SYT1: variants seen among roughly 807,000 people sequenced by gnomAD.
The protein encoded by SYT1 is synaptotagmin-1.
In SYT1, 8 loss-of-function variants were observed where a neutral mutation model predicts 44.8. The observed-to-expected ratio is 0.18, with a 90% confidence interval of 0.10 to 0.32. The LOEUF (loss-of-function observed/expected upper bound fraction) is 0.32. SYT1 is among the 10% of genes least tolerant of loss of function. SYT1 has a pLI of 1.00. For synonymous variants in SYT1, 154 were observed against 188.8 expected, an observed-to-expected ratio of 0.82 and a Z score of 1.51; for missense variants, 286 against 509.3, an observed-to-expected ratio of 0.56 and a Z score of 4.22.
intron 3 of SYT1, among the ~76,000 whole-genome samples, chr12:79,125,445 T>C (rs562747517): frequency 8.0e-4 from 87 of 108,496 alleles, no homozygotes; most frequent in African/African-American, 3.2e-3. Context: ...ACCCTCACTG[T>C]CTCTACAAAA....
At chr12:78,880,499 T>C (rs1592519641) in intron 1 of SYT1, among the ~76,000 whole-genome samples, 1 of 151,582 alleles carries the variant, frequency 6.6e-6, no homozygotes, top group South Asian at 2.1e-4. Flanking sequence ...GTAAATTCCA[T>C]GATAACAGAG....
chr12:79,293,313 G>A (rs970189313), intron 6 of SYT1, among the ~76,000 whole-genome samples: 1 of 145,390 alleles, frequency 6.9e-6, no homozygotes, highest in Non-Finnish European at 1.5e-5. Context: ...GACAGAGCGA[G>A]ACTCCATCTC....
At chr12:78,927,268 A>T (rs34852797) in intron 1 of SYT1, among the ~76,000 whole-genome samples, 7,206 of 152,162 alleles carry the variant, frequency 0.047, 221 homozygotes, top group Admixed American at 0.083. Flanking sequence ...TGGAGGGGGA[A>T]GTGAAACTGC....
chr12:78,926,548 T>C (rs955840865), intron 1 of SYT1: 1 of 152,090 alleles, frequency 6.6e-6, no homozygotes, highest in African/African-American at 2.4e-5. Flanking sequence ...ATAAAAGTTA[T>C]TGAGTATCAT....
chr12:79,377,459 A>G (rs537251450), intron 9 of SYT1, among the ~76,000 whole-genome samples: 3 of 152,172 alleles, frequency 2.0e-5, no homozygotes, highest in Admixed American at 1.3e-4. Flanking sequence ...TTTTTCTTCT[A>G]TATGTGTTGG....
chr12:79,235,975 C>G (rs1876165538), intron 4 of SYT1, among the ~76,000 whole-genome samples: 1 of 152,112 alleles, frequency 6.6e-6, no homozygotes. Context: ...AAGCTCAATA[C>G]CAGAGCTTAT....
chr12:79,116,446 G>C (rs1879283004), intron 3 of SYT1, among the ~76,000 whole-genome samples: 1 of 152,080 alleles, frequency 6.6e-6, no homozygotes, highest in South Asian at 2.1e-4. Context: ...GTGTTGGTGA[G>C]GTGTTGACTT....
intron 2 of SYT1, among the ~76,000 whole-genome samples, chr12:78,978,579 A>G (rs1012483844): frequency 2.6e-5 from 4 of 152,196 alleles, no homozygotes; most frequent in East Asian, 1.9e-4. Context: ...TCATTAACCA[A>G]TCAAATTACT....
intron 9 of SYT1, among the ~76,000 whole-genome samples, chr12:79,436,918 C>T (rs1189903749): frequency 6.6e-6 from 1 of 152,090 alleles, no homozygotes; most frequent in Non-Finnish European, 1.5e-5. Flanking sequence ...TACGGTAGTA[C>T]AGAAGAAAAT....
intron 3 of SYT1, among the ~76,000 whole-genome samples, chr12:79,064,140 G>A (rs2137858913): frequency 6.6e-6 from 1 of 152,214 alleles, no homozygotes; most frequent in Non-Finnish European, 1.5e-5. Flanking sequence ...AGTGCTGTGT[G>A]CTACACTCAG....
At chr12:78,905,271 C>T (rs904121449) in intron 1 of SYT1, among the ~76,000 whole-genome samples, 11 of 152,106 alleles carry the variant, frequency 7.2e-5, no homozygotes, top group African/African-American at 1.9e-4. Context: ...ACAGAAATCC[C>T]GCGGGGGGCG....
chr12:79,199,685 T>C (rs943161522), intron 3 of SYT1, among the ~76,000 whole-genome samples: 2 of 152,192 alleles, frequency 1.3e-5, no homozygotes, highest in Non-Finnish European at 2.9e-5. Flanking sequence ...ATTTATGTTT[T>C]ACTCCCTTAT....
chr12:79,340,485 G>A (rs1164943292), intron 8 of SYT1, among the ~76,000 whole-genome samples: 2 of 152,132 alleles, frequency 1.3e-5, no homozygotes, highest in East Asian at 3.9e-4. Flanking sequence ...TGTTATTGGT[G>A]TATAAGAATG....
intron 2 of SYT1, among the ~76,000 whole-genome samples, chr12:78,999,505 A>G (rs576138095): frequency 6.6e-6 from 1 of 152,268 alleles, no homozygotes; most frequent in Admixed American, 6.5e-5. Context: ...GATTTATATC[A>G]CCTTTCCTTT....
intron 3 of SYT1, among the ~76,000 whole-genome samples, chr12:79,065,006 C>A (rs546335600): frequency 2.2e-4 from 32 of 144,718 alleles, no homozygotes; most frequent in Admixed American, 5.5e-4. Context: ...GAAAAGGAAA[C>A]CTTTCCTTCT....
At chr12:79,136,274 G>T (rs543076392) in intron 3 of SYT1, among the ~76,000 whole-genome samples, 1 of 152,122 alleles carries the variant, frequency 6.6e-6, no homozygotes, top group Admixed American at 6.5e-5. Flanking sequence ...AAATCTCACA[G>T]TAGTATTATG....
At chr12:78,931,548 C>T (rs558719193) in intron 1 of SYT1, among the ~76,000 whole-genome samples, 6 of 152,156 alleles carry the variant, frequency 3.9e-5, no homozygotes, top group East Asian at 1.9e-4. Flanking sequence ...GACTTCAATT[C>T]GCATCTTGAG....
chr12:78,956,159 T>G (rs951122597), intron 1 of SYT1, among the ~76,000 whole-genome samples: 1 of 151,994 alleles, frequency 6.6e-6, no homozygotes, highest in African/African-American at 2.4e-5. Context: ...TTAGTAATAA[T>G]GGAGTACCAA....
intron 3 of SYT1, among the ~76,000 whole-genome samples, chr12:79,178,512 A>T (rs1450479847): frequency 2.0e-5 from 3 of 151,816 alleles, no homozygotes; most frequent in Non-Finnish European, 2.9e-5. Context: ...TGTTCCAGAC[A>T]TTTGTTTTTT....
Sources: gnomAD v4.1 joint callset for allele counts (sites outside exome capture counted in the v4.1 genomes callset) on GRCh38, gnomAD v4.1.1 for gene constraint, MANE v1.5 for transcripts, NCBI Gene and HGNC (gene_info 2026-07-23, HGNC 2026-07-21) for gene names.